SEMA4D: variants seen among roughly 807,000 people sequenced by gnomAD.
SEMA4D encodes the protein semaphorin 4D.
SEMA4D carries 22 observed loss-of-function variants against 74.8 expected under a neutral mutation model. That is an observed-to-expected ratio of 0.29 (90% CI 0.21 to 0.42). The LOEUF (loss-of-function observed/expected upper bound fraction) is 0.42, where lower values mean the gene tolerates loss of function less well. Ranked by LOEUF, SEMA4D falls within the 10% of genes least tolerant of loss-of-function variation. The pLI, the probability that SEMA4D is intolerant of heterozygous loss-of-function variation, is 1.00. For synonymous variants in SEMA4D, 445 were observed against 463.7 expected, an observed-to-expected ratio of 0.96 and a Z score of 0.52; for missense variants, 937 against 1,118.4, an observed-to-expected ratio of 0.84 and a Z score of 2.31.
chr9:89,496,344 G>A (rs1826012316), intron 1 of SEMA4D, among the ~76,000 whole-genome samples: 1 of 152,182 alleles, frequency 6.6e-6, no homozygotes, highest in Non-Finnish European at 1.5e-5. Flanking sequence ...CCTTTTGCCT[G>A]TCTGCACTCT....
chr9:89,380,758 T>C (rs529974866), intron 15 of SEMA4D, among the ~76,000 whole-genome samples: 6 of 152,242 alleles, frequency 3.9e-5, no homozygotes. Flanking sequence ...TTTCTCCCCA[T>C]TTATAACAGG....
intron 1 of SEMA4D, among the ~76,000 whole-genome samples, chr9:89,494,784 T>C (rs578116873): frequency 6.6e-5 from 10 of 152,268 alleles, no homozygotes; most frequent in African/African-American, 2.2e-4. Context: ...TCATCCCCTC[T>C]GCTTCCCCAC....
At chr9:89,361,515 A>G (rs1482171545) in exon 19 of SEMA4D, 1 of 152,236 alleles carries the variant, frequency 6.6e-6, no homozygotes, top group African/African-American at 2.4e-5. Flanking sequence ...ACAAGTTCAC[A>G]CACACAGTGA....
At chr9:89,470,492 G>C (rs569673160) in intron 1 of SEMA4D, among the ~76,000 whole-genome samples, 2 of 152,350 alleles carry the variant, frequency 1.3e-5, no homozygotes, top group African/African-American at 4.8e-5. Flanking sequence ...GTGCTGGTAA[G>C]GGTACACAGT....
chr9:89,366,375 A>G (rs1833677200), intron 16 of SEMA4D, among the ~76,000 whole-genome samples: 1 of 152,246 alleles, frequency 6.6e-6, no homozygotes, highest in Non-Finnish European at 1.5e-5. Context: ...AATTTTTTAT[A>G]AAAGTGTTAC....
intron 1 of SEMA4D, among the ~76,000 whole-genome samples, chr9:89,487,467 T>C (rs529091446): frequency 1.8e-4 from 28 of 152,274 alleles, no homozygotes; most frequent in African/African-American, 4.1e-4. Context: ...CTTCCTGATA[T>C]TGGGAACAGG....
intron 2 of SEMA4D, among the ~76,000 whole-genome samples, chr9:89,448,849 T>C (rs1414735857): frequency 1.3e-5 from 2 of 152,164 alleles, no homozygotes; most frequent in East Asian, 1.9e-4. Context: ...GCTGCATAGA[T>C]AGCAGCCCCT....
At chr9:89,437,601 C>T (rs1037793417) in intron 2 of SEMA4D, among the ~76,000 whole-genome samples, 2 of 152,188 alleles carry the variant, frequency 1.3e-5, no homozygotes, top group African/African-American at 2.4e-5. Context: ...CTCAGTGACA[C>T]GGGCACCTGC....
intron 16 of SEMA4D, chr9:89,363,994 C>T (rs765747504): frequency 1.2e-6 from 2 of 1,613,816 alleles, no homozygotes; most frequent in Non-Finnish European, 1.7e-6. Context: ...ACATTTAGGA[C>T]CCAAAGAAGC....
intron 2 of SEMA4D, among the ~76,000 whole-genome samples, chr9:89,438,810 C>T (rs7023563): frequency 0.51 from 76,304 of 150,478 alleles, 19,851 homozygotes; most frequent in African/African-American, 0.64. Flanking sequence ...GGACTACAGG[C>T]GCATACCATC....
At chr9:89,400,714 C>T (rs985169579) in intron 4 of SEMA4D, among the ~76,000 whole-genome samples, 8 of 152,320 alleles carry the variant, frequency 5.3e-5, no homozygotes, top group Middle Eastern at 6.8e-3. Flanking sequence ...GACAAGGGAA[C>T]GTACACTTCA....
chr9:89,389,791 G>C lies in SEMA4D; in HGVS notation c.775-744C>G, dbSNP rs554466015. Among the ~76,000 whole-genome samples, 12 of 152,278 alleles carry C rather than the reference G, an allele frequency of 7.9e-5. No individual in the cohort carries two copies. The South Asian group carries it at 2.3e-3, about 29-fold the overall frequency. ...TCATCTCTGCTGTGTGATTACAGGA[G>C]CCCAAATTCTCTTTTTGATAAAAGG... On this transcript the variant is annotated intron_variant, in intron 9 of 15. Coordinates refer to ENST00000422704, the MANE Select transcript of SEMA4D (RefSeq NM_001371194.2).
chr9:89,375,069 A>C (rs1835604305), downstream of SEMA4D, among the ~76,000 whole-genome samples: 1 of 152,064 alleles, frequency 6.6e-6, no homozygotes, highest in Non-Finnish European at 1.5e-5. Flanking sequence ...AAATAAATAA[A>C]TAACCAACCA....
chr9:89,406,856 C>T (rs764787490), intron 2 of SEMA4D, among the ~76,000 whole-genome samples: 41 of 152,118 alleles, frequency 2.7e-4, no homozygotes, highest in Non-Finnish European at 5.1e-4. Flanking sequence ...CAGACACAGC[C>T]GAAACAGAAC....
chr9:89,477,485 G>T (rs1010008155), intron 1 of SEMA4D, among the ~76,000 whole-genome samples: 3 of 152,158 alleles, frequency 2.0e-5, no homozygotes, highest in Non-Finnish European at 4.4e-5. Flanking sequence ...TCCACTGAAG[G>T]CCCCAGGGAC....
chr9:89,486,337 T>C (rs1184991699), intron 1 of SEMA4D, among the ~76,000 whole-genome samples: 1 of 152,166 alleles, frequency 6.6e-6, no homozygotes, highest in African/African-American at 2.4e-5. Flanking sequence ...GGAAACTGAC[T>C]ACAAAGGGGC....
chr9:89,491,571 A>AAACAACAACAACAACAAC (rs35705317), intron 1 of SEMA4D, among the ~76,000 whole-genome samples: 2 of 150,652 alleles, frequency 1.3e-5, no homozygotes, highest in African/African-American at 4.9e-5. Context: ...TCTGTCTCAA[A>AAACAACAACAACAACAAC]AACAACAACA....
chr9:89,457,967 A>G (rs1856335407), intron 1 of SEMA4D, among the ~76,000 whole-genome samples: 1 of 151,464 alleles, frequency 6.6e-6, no homozygotes, highest in Admixed American at 6.6e-5. Context: ...CAGGAGCCGG[A>G]GGTTGCAGTG....
chr9:89,418,360 T>C (rs2134131928), intron 2 of SEMA4D: 1 of 985,220 alleles, frequency 1.0e-6, no homozygotes, highest in Non-Finnish European at 1.2e-6. Flanking sequence ...CCCAGCCCGT[T>C]ACCTGGTGCT....
Sources: gnomAD v4.1 joint callset for allele counts (sites outside exome capture counted in the v4.1 genomes callset) on GRCh38, gnomAD v4.1.1 for gene constraint, MANE v1.5 for transcripts, NCBI Gene and HGNC (gene_info 2026-07-23, HGNC 2026-07-21) for gene names.